PRKN: variants seen among roughly 807,000 people sequenced by gnomAD.
PRKN encodes parkin RBR E3 ubiquitin protein ligase.
PRKN carries 56 observed loss-of-function variants against 59.5 expected under a neutral mutation model. That is an observed-to-expected ratio of 0.94 (90% confidence interval 0.76 to 1.18). The LOEUF is 1.18. Ranked by LOEUF, PRKN falls within the 50% of genes most tolerant of loss-of-function variation. The pLI is 0.00. For missense variants in PRKN, 657 were observed against 596.4 expected (o/e 1.10, Z -1.06); for synonymous variants, 250 against 222.1 (o/e 1.13, Z -1.12).
At chr6:161,758,279 T>C (rs1789038052) in intron 7 of PRKN, among the ~76,000 whole-genome samples, 1 of 152,068 alleles carries the variant, frequency 6.6e-6, no homozygotes. Flanking sequence ...TGCATAAAAT[T>C]TCATAGATGC....
rs764297261 is a variant in PRKN, at chr6:162,727,690, T to C, written c.-22A>G. ...TCATGGTCACTGGGTAGGTGGCGGC[T>C]GCGGGCCAGGAACAGGCCCATGCGC... On this transcript the variant is annotated 5_prime_UTR_variant, in exon 1 of 12. Transcript: ENST00000366898. 13 of 1,570,522 alleles carry C rather than the reference T, an allele frequency of 8.3e-6. No individual in the cohort carries two copies. In the Middle Eastern group the frequency reaches 5.0e-4, roughly 60 times the overall value.
intron 2 of PRKN, among the ~76,000 whole-genome samples, chr6:162,384,139 T>A (rs1786653476): frequency 6.6e-6 from 1 of 152,180 alleles, no homozygotes; most frequent in South Asian, 2.1e-4. Context: ...GAGTAGCACT[T>A]CCCTCAAGAA....
chr6:162,091,989 T>C (rs745628728), intron 4 of PRKN, among the ~76,000 whole-genome samples: 2 of 151,020 alleles, frequency 1.3e-5, no homozygotes, highest in Non-Finnish European at 1.5e-5. Context: ...TAAGCTGTGA[T>C]TGGGCCACTG....
rs530254921 is a variant in PRKN at position 162,062,872 on chromosome 6, A to T, written c.535-8698T>A. 3.9e-5 allele frequency among the ~76,000 whole-genome samples: 6 copies of T among 152,318 alleles called. No homozygotes were observed. The East Asian group carries it at 1.2e-3, about 29-fold the overall frequency. ...ACTCCTCAAATTGTACCCTTCAAAT[A>T]GAGAAAGTCTATTTACACAAATTAT... On this transcript the variant is annotated intron_variant, in intron 4 of 11. Coordinates refer to ENST00000366898, the MANE Select transcript of PRKN (RefSeq NM_004562.3).
At chr6:162,322,766 T>G (rs1783084677) in intron 2 of PRKN, among the ~76,000 whole-genome samples, 1 of 151,990 alleles carries the variant, frequency 6.6e-6, no homozygotes, top group Non-Finnish European at 1.5e-5. Flanking sequence ...TTGCATCTCT[T>G]GCACCATATA....
chr6:162,103,397 T>C (rs753225682), intron 4 of PRKN, among the ~76,000 whole-genome samples: 2 of 152,126 alleles, frequency 1.3e-5, no homozygotes, highest in Non-Finnish European at 2.9e-5. Context: ...CCCATCAATG[T>C]AATTTAAAAT....
intron 4 of PRKN, among the ~76,000 whole-genome samples, chr6:162,172,524 C>T (rs564943248): frequency 1.3e-5 from 2 of 152,298 alleles, no homozygotes; most frequent in East Asian, 1.9e-4. Flanking sequence ...GTTAAATGCC[C>T]TTCAACACTA....
At chr6:162,307,156 T>C (rs1246892902) in intron 2 of PRKN, among the ~76,000 whole-genome samples, 2 of 151,958 alleles carry the variant, frequency 1.3e-5, no homozygotes, top group African/African-American at 4.8e-5. Context: ...TCCCCTCAAT[T>C]TGGGAAGCCA....
intron 4 of PRKN, among the ~76,000 whole-genome samples, chr6:162,198,244 A>C (rs1357612894): frequency 6.6e-6 from 1 of 152,044 alleles, no homozygotes; most frequent in African/African-American, 2.4e-5. Flanking sequence ...TGGGCTTTGG[A>C]GATAGAGGTG....
chr6:162,713,657 T>G (rs991246414), intron 1 of PRKN, among the ~76,000 whole-genome samples: 1 of 152,054 alleles, frequency 6.6e-6, no homozygotes, highest in Non-Finnish European at 1.5e-5. Flanking sequence ...CTTCAGAAAT[T>G]TAATAAAAAG....
intron 1 of PRKN, among the ~76,000 whole-genome samples, chr6:162,542,685 A>G (rs1778970969): frequency 6.6e-6 from 1 of 152,168 alleles, no homozygotes; most frequent in South Asian, 2.1e-4. Context: ...TCTCTCAGAA[A>G]TTTAAGTGAG....
intron 5 of PRKN, among the ~76,000 whole-genome samples, chr6:162,042,985 A>G (rs1009818794): frequency 1.3e-5 from 2 of 152,216 alleles, no homozygotes; most frequent in African/African-American, 2.4e-5. Flanking sequence ...AGGAAGAAAA[A>G]GAGGCTTCAT....
intron 8 of PRKN, among the ~76,000 whole-genome samples, chr6:161,559,355 C>T (rs1780367447): frequency 6.6e-6 from 1 of 152,182 alleles, no homozygotes; most frequent in Non-Finnish European, 1.5e-5. Flanking sequence ...ACTTCAGAGA[C>T]TCCTGTAGAC....
rs560274206 is a variant in PRKN, at chr6:161,599,609, T to C, written c.872-30193A>G. Reference sequence around the variant, plus strand: ...ATGTCATTTGAAAATAAGGAAGGCATTGGACTTCCCTTTATACCAGGTAAA... The same window carrying C: ...ATGTCATTTGAAAATAAGGAAGGCACTGGACTTCCCTTTATACCAGGTAAA... On this transcript the variant is annotated intron_variant, in intron 7 of 11. Coordinates refer to ENST00000366898, the MANE Select transcript of PRKN (RefSeq NM_004562.3). Among the ~76,000 whole-genome samples the C allele has an allele frequency of 5.3e-5, 8 of 152,300 alleles. No homozygotes were observed. In the South Asian group the frequency reaches 1.0e-3, roughly 20 times the overall value.
intron 9 of PRKN, among the ~76,000 whole-genome samples, chr6:161,520,732 A>G (rs1778789554): frequency 6.6e-6 from 1 of 152,234 alleles, no homozygotes; most frequent in Non-Finnish European, 1.5e-5. Flanking sequence ...GAATCTTCAA[A>G]ATACCTTTAT....
At position 162,585,736 on chromosome 6, in the gene PRKN, CTT is replaced by C. The variant is rs1242703632; in HGVS notation, c.7+141924_7+141925del. 3.3e-5 allele frequency among the ~76,000 whole-genome samples: 5 copies of C among 151,978 alleles called. No individual in the cohort carries two copies. In the East Asian group the frequency reaches 7.7e-4, roughly 24 times the overall value. ...TATTTATTTGATATGGAGTTTTGCTCTTGTCGCCCAAGCTGGAGTGCAATGGT... is the reference window on the plus strand; with the variant it reads ...TATTTATTTGATATGGAGTTTTGCTCGTCGCCCAAGCTGGAGTGCAATGGT... On this transcript the variant is annotated intron_variant, in intron 1 of 11. Coordinates refer to ENST00000366898, the MANE Select transcript of PRKN (RefSeq NM_004562.3).
rs533940394 is a variant in PRKN, at chr6:161,984,582, G to C, written c.619-11165C>G. 3.3e-5 allele frequency among the ~76,000 whole-genome samples: 5 copies of C among 152,202 alleles called. No homozygotes were observed. The South Asian group carries it at 1.0e-3, about 32-fold the overall frequency. Reference sequence around the variant, plus strand: ...GTTTTTCATTCTTTAATTTAGCAGTGCCCATAGGCACTTCCAAGACTGATT... The same window carrying C: ...GTTTTTCATTCTTTAATTTAGCAGTCCCCATAGGCACTTCCAAGACTGATT... On this transcript the variant is annotated intron_variant, in intron 5 of 11. Transcript: ENST00000366898.
intron 1 of PRKN, among the ~76,000 whole-genome samples, chr6:162,465,893 C>T (rs1034020112): frequency 6.2e-4 from 94 of 152,260 alleles, no homozygotes; most frequent in African/African-American, 2.2e-3. Flanking sequence ...ATCTCACACT[C>T]TCATGCTATC....
intron 1 of PRKN, among the ~76,000 whole-genome samples, chr6:162,551,077 C>T (rs560505589): frequency 6.6e-6 from 1 of 152,272 alleles, no homozygotes; most frequent in Admixed American, 6.5e-5. Context: ...ATCTAGTGAT[C>T]TGATGCTTGT....
Sources: allele counts gnomAD v4.1 joint callset (sites outside exome capture counted in the v4.1 genomes callset), GRCh38; gene constraint gnomAD v4.1.1; transcripts MANE v1.5; gene names NCBI Gene and HGNC (gene_info 2026-07-23, HGNC 2026-07-21).